Variants in TTC28 observed in about 807,000 individuals in gnomAD.
The protein encoded by TTC28 is tetratricopeptide repeat domain 28.
A neutral mutation model predicts 198.0 loss-of-function variants in TTC28; 61 were observed. The observed-to-expected ratio is 0.31, with a 90% confidence interval of 0.25 to 0.38. The LOEUF (loss-of-function observed/expected upper bound fraction) is 0.38, where lower values mean the gene tolerates loss of function less well. TTC28 is among the 10% of genes least tolerant of loss of function. TTC28 has a pLI of 1.00. For synonymous variants in TTC28, 1,171 were observed against 1,297.8 expected, an observed-to-expected ratio of 0.90 and a Z score of 2.10; for missense variants, 2,678 against 3,164.0, an observed-to-expected ratio of 0.85 and a Z score of 3.69.
chr22:28,472,127 A>G (rs1487632067), intron 2 of TTC28, among the ~76,000 whole-genome samples: 2 of 152,186 alleles, frequency 1.3e-5, no homozygotes, highest in African/African-American at 4.8e-5. Context: ...AAGAAACACA[A>G]AAGAGCATCT....
At chr22:28,544,941 C>T (rs1461425246) in intron 2 of TTC28, among the ~76,000 whole-genome samples, 1 of 152,202 alleles carries the variant, frequency 6.6e-6, no homozygotes, top group Admixed American at 6.5e-5. Context: ...AATCAAGAAA[C>T]AACTATAAGT....
At chr22:28,366,684 GC>G (rs1472070108) in intron 2 of TTC28, among the ~76,000 whole-genome samples, 1 of 152,000 alleles carries the variant, frequency 6.6e-6, no homozygotes, top group East Asian at 1.9e-4. Context: ...ATGATCTCTT[GC>G]CTACAAGAAA....
At chr22:28,069,354 A>C (rs1469642782) in intron 12 of TTC28, among the ~76,000 whole-genome samples, 1 of 152,134 alleles carries the variant, frequency 6.6e-6, no homozygotes, top group Admixed American at 6.6e-5. Context: ...AGCACCTTGG[A>C]GGATGTTGCA....
At chr22:28,272,986 A>G (rs1209810095) in intron 5 of TTC28, among the ~76,000 whole-genome samples, 2 of 152,252 alleles carry the variant, frequency 1.3e-5, no homozygotes, top group Non-Finnish European at 2.9e-5. Flanking sequence ...GAAAGATAAA[A>G]GCCAAAGTTC....
chr22:28,595,134 A>T (rs2050517220), intron 2 of TTC28, among the ~76,000 whole-genome samples: 1 of 152,218 alleles, frequency 6.6e-6, no homozygotes, highest in Non-Finnish European at 1.5e-5. Context: ...AAACTTAATT[A>T]TAGAAAGTGG....
intron 2 of TTC28, among the ~76,000 whole-genome samples, chr22:28,529,573 T>C (rs909266813): frequency 2.0e-5 from 3 of 152,202 alleles, no homozygotes; most frequent in African/African-American, 7.2e-5. Context: ...TCTCCCAGCA[T>C]GGAGTTTGAG....
intron 5 of TTC28, among the ~76,000 whole-genome samples, chr22:28,285,782 T>C (rs2044672944): frequency 6.6e-6 from 1 of 152,186 alleles, no homozygotes; most frequent in African/African-American, 2.4e-5. Context: ...ATCCCACTTC[T>C]CAGATGCTAT....
chr22:28,641,100 TG>T (rs1166167695), intron 1 of TTC28, among the ~76,000 whole-genome samples: 1 of 152,038 alleles, frequency 6.6e-6, no homozygotes, highest in Non-Finnish European at 1.5e-5. Flanking sequence ...CCGAGGTAGG[TG>T]GATCACGAGG....
chr22:28,272,359 C>T (rs555292919), intron 5 of TTC28, among the ~76,000 whole-genome samples: 23 of 152,122 alleles, frequency 1.5e-4, no homozygotes, highest in Non-Finnish European at 2.4e-4. Context: ...AATACATTAT[C>T]AGTGATGCAG....
At chr22:28,150,697 C>A (rs1432030703) in intron 6 of TTC28, among the ~76,000 whole-genome samples, 2 of 152,188 alleles carry the variant, frequency 1.3e-5, no homozygotes, top group Non-Finnish European at 2.9e-5. Context: ...AAGGGCTACA[C>A]AGGAGCTGTT....
At chr22:28,264,233 A>G (rs1399994332) in intron 5 of TTC28, among the ~76,000 whole-genome samples, 1 of 152,096 alleles carries the variant, frequency 6.6e-6, no homozygotes, top group Admixed American at 6.6e-5. Context: ...ATGGTTTTAT[A>G]AAGGGGAGTT....
intron 17 of TTC28, chr22:27,994,419 G>A (rs1466843302): frequency 6.6e-6 from 1 of 152,016 alleles, no homozygotes; most frequent in Non-Finnish European, 1.5e-5. Context: ...CCTCACCGGA[G>A]GGGCATGAGT....
At chr22:28,383,015 C>T (rs886874171) in intron 2 of TTC28, among the ~76,000 whole-genome samples, 7 of 152,200 alleles carry the variant, frequency 4.6e-5, no homozygotes. Flanking sequence ...CTATCATTTA[C>T]TCACCTTCAA....
chr22:28,366,111 A>G (rs2046242084), intron 2 of TTC28, among the ~76,000 whole-genome samples: 1 of 152,216 alleles, frequency 6.6e-6, no homozygotes, highest in African/African-American at 2.4e-5. Flanking sequence ...GCATGTTGAA[A>G]ATACCATTCT....
At chr22:28,210,663 T>A (rs1023502989) in intron 5 of TTC28, among the ~76,000 whole-genome samples, 1 of 152,144 alleles carries the variant, frequency 6.6e-6, no homozygotes, top group Non-Finnish European at 1.5e-5. Context: ...CTACGTCTGA[T>A]TGGTGTACCT....
intron 22 of TTC28, 48 bp from the exon 23 acceptor site, chr22:27,983,899 G>A: frequency 6.7e-7 from 1 of 1,496,224 alleles, no homozygotes; most frequent in African/African-American, 1.4e-5. Context: ...ATTCTATATG[G>A]TTTTGATTTT....
At chr22:28,531,225 A>C (rs1281385942) in intron 2 of TTC28, among the ~76,000 whole-genome samples, 1 of 152,226 alleles carries the variant, frequency 6.6e-6, no homozygotes, top group Non-Finnish European at 1.5e-5. Context: ...TCTACCAAGC[A>C]AATGGAAAAC....
chr22:28,482,333 TC>T (rs1490235148), intron 2 of TTC28, among the ~76,000 whole-genome samples: 1 of 142,188 alleles, frequency 7.0e-6, no homozygotes, highest in African/African-American at 2.6e-5. Flanking sequence ...TGCCTCAGCC[TC>T]CCGAGTAGCT....
chr22:28,544,156 T>G (rs1601544658), intron 2 of TTC28, among the ~76,000 whole-genome samples: 4 of 152,140 alleles, frequency 2.6e-5, no homozygotes, highest in Non-Finnish European at 5.9e-5. Context: ...GGGAGGAGGT[T>G]GCAGTGAGTT....
Sources: allele counts gnomAD v4.1 joint callset (sites outside exome capture counted in the v4.1 genomes callset), GRCh38; gene constraint gnomAD v4.1.1; transcripts MANE v1.5; gene names NCBI Gene and HGNC (gene_info 2026-07-23, HGNC 2026-07-21).